The following PTPN3 variants were observed in gnomAD, a reference collection of about 807,000 sequenced individuals.
PTPN3 encodes the protein protein tyrosine phosphatase non-receptor type 3.
A neutral mutation model predicts 132.7 loss-of-function variants in PTPN3; 96 were observed. That is an observed-to-expected ratio of 0.72 (90% CI 0.61 to 0.86). The LOEUF (loss-of-function observed/expected upper bound fraction) is 0.86, where lower values mean the gene tolerates loss of function less well. PTPN3 is among the 40% of genes least tolerant of loss of function. The pLI, the probability that PTPN3 is intolerant of heterozygous loss-of-function variation, is 0.00. For synonymous variants in PTPN3, 398 were observed against 429.0 expected (o/e 0.93, Z 0.89); for missense variants, 1,125 against 1,159.6 (o/e 0.97, Z 0.43).
In PTPN3 at chr9:109,441,405, C is replaced by G. The variant is rs181774365; in HGVS notation, c.467-3171G>C. 1.1e-4 allele frequency among the ~76,000 whole-genome samples: 16 copies of G among 152,296 alleles called. No individual in the cohort carries two copies. The East Asian group carries it at 2.7e-3, about 26-fold the overall frequency. On this transcript the variant is annotated intron_variant, in intron 7 of 25. Transcript: ENST00000374541. Reference sequence around the variant, plus strand: ...GCTATTCATTCAACTCCAACCTGATCTTAGAGGCGGTTCTCAGGGGTCATT... The same window carrying G: ...GCTATTCATTCAACTCCAACCTGATGTTAGAGGCGGTTCTCAGGGGTCATT...
intron 19 of PTPN3, among the ~76,000 whole-genome samples, chr9:109,400,674 T>A (rs1373433847): frequency 6.6e-6 from 1 of 152,216 alleles, no homozygotes; most frequent in African/African-American, 2.4e-5. Flanking sequence ...CTGTGAGACC[T>A]GGAAGAGGTC....
At chr9:109,380,258 T>TATCTATCA (rs1222543662) in intron 25 of PTPN3, among the ~76,000 whole-genome samples, 1 of 151,608 alleles carries the variant, frequency 6.6e-6, no homozygotes, top group African/African-American at 2.4e-5. Context: ...TCTATCTATC[T>TATCTATCA]ATCTATCTAG....
chr9:109,405,261 A>C (rs1841471307), intron 18 of PTPN3, among the ~76,000 whole-genome samples: 1 of 152,116 alleles, frequency 6.6e-6, no homozygotes, highest in South Asian at 2.1e-4. Flanking sequence ...GGAACCGGAG[A>C]GATCTGGTAA....
At chr9:109,382,993 G>A (rs1435535225) in intron 23 of PTPN3, among the ~76,000 whole-genome samples, 1 of 151,986 alleles carries the variant, frequency 6.6e-6, no homozygotes, top group Non-Finnish European at 1.5e-5. Context: ...GGCAACCACC[G>A]TTCTACTTTC....
intron 16 of PTPN3, among the ~76,000 whole-genome samples, chr9:109,408,846 ATATATATATATATGGGCTT>A (rs1841828065): frequency 1.7e-5 from 1 of 60,460 alleles, no homozygotes. Flanking sequence ...ATGGGCTTTA[ATATATATATATATGGGCTT>A]TATATATATA....
At chr9:109,452,261 C>T (rs1449599506) in intron 5 of PTPN3, among the ~76,000 whole-genome samples, 98 of 103,388 alleles carry the variant, frequency 9.5e-4, no homozygotes, top group African/African-American at 4.0e-3. Flanking sequence ...GAGCGAGCTC[C>T]GTCTCAAAAA....
the PTPN3 span, among the ~76,000 whole-genome samples, chr9:109,514,515 G>A: frequency 6.6e-6 from 1 of 152,270 alleles, no homozygotes; most frequent in African/African-American, 2.4e-5. Flanking sequence ...TACTGTTCTA[G>A]GTTCTGGGAA....
intron 13 of PTPN3, 97 bp from the exon 14 acceptor site, chr9:109,420,697 G>C: frequency 7.8e-7 from 1 of 1,287,104 alleles, no homozygotes; most frequent in Non-Finnish European, 1.0e-6. Flanking sequence ...ACCTTTCTAA[G>C]GATGCCTTCC....
intron 19 of PTPN3, among the ~76,000 whole-genome samples, chr9:109,399,302 C>T (rs985160098): frequency 7.2e-5 from 11 of 152,186 alleles, no homozygotes; most frequent in African/African-American, 2.4e-4. Context: ...GTTGGTATTA[C>T]AAGCATGAGC....
chr9:109,410,502 G>A, intron 14 of PTPN3, 87 bp from the exon 15 acceptor site: 6 of 1,419,788 alleles, frequency 4.2e-6, no homozygotes, highest in South Asian at 1.3e-5. Flanking sequence ...CCTGGCAGCT[G>A]GGGGCTGTAT....
intron 9 of PTPN3, among the ~76,000 whole-genome samples, chr9:109,433,839 T>C (rs2131910738): frequency 6.7e-6 from 1 of 149,260 alleles, no homozygotes; most frequent in Non-Finnish European, 1.5e-5. Context: ...GCCTGGGAAG[T>C]TGAGGCTGTT....
upstream of PTPN3, among the ~76,000 whole-genome samples, chr9:109,502,501 CTATAAAT>C (rs386737494): frequency 5.3e-3 from 805 of 152,300 alleles, 5 homozygotes; most frequent in African/African-American, 0.018. Context: ...GTAGGTTGAA[CTATAAAT>C]TGCCAGGCAG....
chr9:109,492,197 G>T (rs1588511156), intron 1 of PTPN3, among the ~76,000 whole-genome samples: 1 of 152,254 alleles, frequency 6.6e-6, no homozygotes, highest in East Asian at 1.9e-4. Flanking sequence ...AAAAACAGCT[G>T]ATGGAGCTGG....
chr9:109,387,384 G>C (rs1839679845), intron 22 of PTPN3, among the ~76,000 whole-genome samples: 1 of 152,192 alleles, frequency 6.6e-6, no homozygotes, highest in African/African-American at 2.4e-5. Flanking sequence ...GGGGATTATA[G>C]AGCTTTGTGC....
chr9:109,381,673 G>A lies in PTPN3; in HGVS notation c.2643C>T (p.Arg881=), dbSNP rs751829166. ...TCACTGATGTCTGCACCATCATGGC[G>A]CGCTGGTCTCGCATTTTTCGGACAA... is the stretch of plus-strand genomic sequence containing the variant. ...LDIVRKMRDQ[R]AMMVQTSSQY... is the part of the protein sequence containing the mutation. The change falls in exon 25 of 26, where the codon CGC becomes CGT. Residue 881 remains arginine, a synonymous_variant. Coordinates refer to ENST00000374541, the MANE Select transcript of PTPN3 (RefSeq NM_002829.4). 139 of 1,614,068 alleles carry A rather than the reference G, an allele frequency of 8.6e-5. No homozygotes were observed. The highest frequency in any genetic ancestry group is 5.0e-4 in the Admixed American group (30 of 60,006).
At chr9:109,524,533 G>A in the PTPN3 span, among the ~76,000 whole-genome samples, 1 of 152,142 alleles carries the variant, frequency 6.6e-6, no homozygotes, top group Non-Finnish European at 1.5e-5. Context: ...CCTGTGTAGG[G>A]ATATAAACAA....
intron 2 of PTPN3, among the ~76,000 whole-genome samples, chr9:109,459,905 C>T (rs370702381): frequency 4.5e-4 from 69 of 152,182 alleles, no homozygotes; most frequent in African/African-American, 1.0e-3. Flanking sequence ...AAGCACCGTT[C>T]GCAGCTTCCA....
At chr9:109,451,533 T>A in intron 5 of PTPN3, 1 of 492,870 alleles carries the variant, frequency 2.0e-6, no homozygotes, top group Non-Finnish European at 2.6e-6. Flanking sequence ...CCTGCACATC[T>A]AGTTCCCCTT....
At chr9:109,517,357 A>C in the PTPN3 span, among the ~76,000 whole-genome samples, 1 of 152,198 alleles carries the variant, frequency 6.6e-6, no homozygotes, top group Non-Finnish European at 1.5e-5. Context: ...GGGAACCAAC[A>C]TCATCAGGTC....
Sources: gnomAD v4.1 joint callset for allele counts (sites outside exome capture counted in the v4.1 genomes callset) on GRCh38, gnomAD v4.1.1 for gene constraint, MANE v1.5 for transcripts, NCBI Gene and HGNC (gene_info 2026-07-23, HGNC 2026-07-21) for gene names.